XRN2: variants seen among roughly 807,000 people sequenced by gnomAD.
XRN2 encodes the protein DHM1-like protein.
In XRN2, 44 loss-of-function variants were observed where a neutral mutation model predicts 138.5. The observed-to-expected ratio is 0.32, with a 90% CI of 0.25 to 0.41. The LOEUF (loss-of-function observed/expected upper bound fraction) is 0.41, where lower values mean the gene tolerates loss of function less well. Ranked by LOEUF, XRN2 falls within the 10% of genes least tolerant of loss-of-function variation. The pLI, the probability that XRN2 is intolerant of heterozygous loss-of-function variation, is 1.00. For missense variants in XRN2, 937 were observed against 1,169.3 expected (o/e 0.80, Z 2.90); for synonymous variants, 354 against 369.4 (o/e 0.96, Z 0.48).
At chr20:21,303,950 T>C in intron 1 of XRN2, 1 of 789,824 alleles carries the variant, frequency 1.3e-6, no homozygotes, top group South Asian at 5.8e-5. Context: ...GTTTACCAAT[T>C]GTGCCGGAAA....
rs774628235 is a variant in XRN2 at position 21,303,478 on chromosome 20, G to A, written c.75+5G>A. The A allele has an allele frequency of 1.6e-5, 24 of 1,538,764 alleles. No homozygotes were observed. Among genetic ancestry groups the A allele is most frequent in the Admixed American group, 2.0e-5 (1 of 49,630 alleles). On this transcript the variant is annotated splice_donor_5th_base_variant and intron_variant, in intron 1 of 29. Transcript: ENST00000377191. ...GTCAACTGCGTGGAAGAGAAGGTGA[G>A]GAGGCGCCAGGCGGCCGCCACACTC...
In XRN2 at chr20:21,331,887, T is replaced by A. The variant is rs190380282; in HGVS notation, c.700+69T>A. On this transcript the variant is annotated intron_variant, in intron 8 of 29. Transcript: ENST00000377191. ...AGCAAGTTGATGGGTTGGTGTGCAG[T>A]AATGGATTATTCATGGTTACCTGGA... The A allele has an allele frequency of 8.6e-5, 132 of 1,530,910 alleles. No individual in the cohort carries two copies. In the Admixed American group the frequency reaches 2.5e-3, roughly 29 times the overall value. The allele number at this position is 1,530,910 out of a possible 1,614,324, so 94.8% of individuals were successfully genotyped here.
chr20:21,334,285 CATT>C (rs2038256219), intron 13 of XRN2, 100 bp downstream of exon 13: 6 of 946,174 alleles, frequency 6.3e-6, no homozygotes, highest in South Asian at 6.3e-5. Context: ...GTTTTTATAT[CATT>C]ATGGTGTGTC....
intron 17 of XRN2, 132 bp from the exon 18 acceptor site, chr20:21,348,014 G>C: frequency 1.4e-6 from 1 of 707,732 alleles, no homozygotes; most frequent in Non-Finnish European, 2.2e-6. Flanking sequence ...TCAGTATTTG[G>C]AATATATGCC....
intron 1 of XRN2, among the ~76,000 whole-genome samples, chr20:21,304,709 C>A (rs1339682448): frequency 2.6e-5 from 4 of 152,176 alleles, no homozygotes; most frequent in South Asian, 4.1e-4. Context: ...TGGAGTAAAT[C>A]ACTAGATATA....
At chr20:21,340,987 A>C in intron 15 of XRN2, 135 bp downstream of exon 15, 2 of 977,624 alleles carry the variant, frequency 2.0e-6, no homozygotes, top group South Asian at 3.4e-5. Flanking sequence ...TGCCTTGAGA[A>C]ATGTTTAGTT....
At chr20:21,365,295 T>G in intron 24 of XRN2, 126 bp from the exon 25 acceptor site, 1 of 836,532 alleles carries the variant, frequency 1.2e-6, no homozygotes, top group Non-Finnish European at 1.8e-6. Context: ...ATTTAGCCAT[T>G]TGTCAAACCC....
chr20:21,346,600 A>G, intron 17 of XRN2, 50 bp downstream of exon 17: 2 of 1,578,692 alleles, frequency 1.3e-6, no homozygotes, highest in South Asian at 2.3e-5. Context: ...ATTTAAGAAA[A>G]ATAGTAATTT....
intron 3 of XRN2, among the ~76,000 whole-genome samples, chr20:21,327,712 A>G (rs1236668369): frequency 6.6e-6 from 1 of 152,100 alleles, no homozygotes; most frequent in Non-Finnish European, 1.5e-5. Context: ...TTATACACAC[A>G]TTTTTTTGTT....
At chr20:21,379,399 A>G (rs2038859069) in intron 27 of XRN2, among the ~76,000 whole-genome samples, 1 of 152,226 alleles carries the variant, frequency 6.6e-6, no homozygotes, top group Non-Finnish European at 1.5e-5. Flanking sequence ...ACTAAGAGCC[A>G]TATGAAGAAA....
At chr20:21,324,934 G>T (rs1244784100) in intron 1 of XRN2, among the ~76,000 whole-genome samples, 1 of 152,138 alleles carries the variant, frequency 6.6e-6, no homozygotes, top group African/African-American at 2.4e-5. Flanking sequence ...TGATTTTAGA[G>T]GGTCTTCATT....
intron 27 of XRN2, among the ~76,000 whole-genome samples, chr20:21,372,872 A>G (rs951860978): frequency 1.3e-5 from 2 of 151,974 alleles, no homozygotes; most frequent in Non-Finnish European, 2.9e-5. Flanking sequence ...AGTATCATAC[A>G]TTACCTTTTT....
At position 21,389,343 on chromosome 20, in the gene XRN2, T is replaced by C. The variant is rs757427398; in HGVS notation, c.*5T>C. ...GGAAGATACAATTGGAATTAAGCTTTTGTAAAGCTTTCCCAAATCCTTTCA... is the reference window on the plus strand; with the variant it reads ...GGAAGATACAATTGGAATTAAGCTTCTGTAAAGCTTTCCCAAATCCTTTCA... On this transcript the variant is annotated 3_prime_UTR_variant, in exon 30 of 30. Transcript: ENST00000377191. 2.5e-6 allele frequency: 4 copies of C among 1,611,158 alleles called. No homozygotes were observed. In the Admixed American group the frequency reaches 6.7e-5, roughly 27 times the overall value.
chr20:21,323,614 C>T (rs1386258384), intron 1 of XRN2, among the ~76,000 whole-genome samples: 3 of 152,158 alleles, frequency 2.0e-5, no homozygotes, highest in Non-Finnish European at 4.4e-5. Context: ...CTACAGTACT[C>T]TTGAGGGGAA....
At chr20:21,374,291 TA>T (rs141369454) in intron 27 of XRN2, among the ~76,000 whole-genome samples, 1 of 152,314 alleles carries the variant, frequency 6.6e-6, no homozygotes, top group East Asian at 1.9e-4. Context: ...ATTTATTTTC[TA>T]ATCTTAATGC....
intron 26 of XRN2, among the ~76,000 whole-genome samples, chr20:21,366,566 A>G (rs1425961132): frequency 6.6e-6 from 1 of 151,720 alleles, no homozygotes; most frequent in Non-Finnish European, 1.5e-5. Flanking sequence ...TCAACCAAAA[A>G]AAAAAAAAGG....
In XRN2 at chr20:21,330,751, C is replaced by G. The variant is rs773986077; in HGVS notation, c.576+46C>G. On this transcript the variant is annotated intron_variant, in intron 6 of 29. Transcript: ENST00000377191. Reference sequence around the variant, plus strand: ...CTTCAGAAAGATTAGGGTGATCATTCGAGGCTGTACTTTGATATGACTGAC... The same window carrying G: ...CTTCAGAAAGATTAGGGTGATCATTGGAGGCTGTACTTTGATATGACTGAC... 7 of 1,524,790 alleles carry G rather than the reference C, an allele frequency of 4.6e-6. No homozygotes were observed. The African/African-American group carries it at 8.2e-5, about 18-fold the overall frequency. The allele number at this position is 1,524,790 out of a possible 1,614,324, so 94.5% of individuals were successfully genotyped here. A position where few individuals can be genotyped will look rare whatever the true frequency, so the allele number is the denominator to read the frequency against.
intron 20 of XRN2, among the ~76,000 whole-genome samples, chr20:21,353,659 G>T (rs2038540290): frequency 6.6e-6 from 1 of 151,992 alleles, no homozygotes; most frequent in Admixed American, 6.6e-5. Context: ...GGGTGTGGTG[G>T]TGGCATGTGC....
At chr20:21,349,485 G>A (rs1348308921) in intron 20 of XRN2, 24 bp downstream of exon 20, 3 of 1,490,274 alleles carry the variant, frequency 2.0e-6, no homozygotes, top group South Asian at 1.2e-5. Flanking sequence ...GTTCTTTTCT[G>A]GTAAAACTGT....
Sources: gnomAD v4.1 joint callset for allele counts (sites outside exome capture counted in the v4.1 genomes callset) on GRCh38, gnomAD v4.1.1 for gene constraint, MANE v1.5 for transcripts, NCBI Gene and HGNC (gene_info 2026-07-23, HGNC 2026-07-21) for gene names.